SLC30A8: variants seen among roughly 807,000 people sequenced by gnomAD.
SLC30A8 encodes the protein solute carrier family 30 member 8.
SLC30A8 carries 27 observed loss-of-function variants against 36.9 expected under a neutral mutation model. That is an observed-to-expected ratio of 0.73 (90% CI 0.54 to 1.01). The LOEUF (loss-of-function observed/expected upper bound fraction) is 1.01. Among genes scored for constraint, SLC30A8 ranks in the 50% least tolerant of loss-of-function variants. The probability of loss-of-function intolerance (pLI) is 0.00; values close to 1 mark genes in which losing one functional copy is unlikely to be tolerated. For missense variants in SLC30A8, 439 were observed against 452.0 expected (o/e 0.97, Z 0.26); for synonymous variants, 164 against 172.4 (o/e 0.95, Z 0.38).
intron 2 of SLC30A8, among the ~76,000 whole-genome samples, chr8:117,058,965 C>G (rs367667030): frequency 2.0e-5 from 3 of 152,136 alleles, no homozygotes; most frequent in Non-Finnish European, 4.4e-5. Flanking sequence ...ATCCCTCCAC[C>G]ATACCTTTTT....
At chr8:117,161,395 ACAGT>A (rs1344272980) in intron 4 of SLC30A8, among the ~76,000 whole-genome samples, 1 of 119,684 alleles carries the variant, frequency 8.4e-6, no homozygotes, top group Non-Finnish European at 1.6e-5. Flanking sequence ...TTGGTGCCTG[ACAGT>A]CAGTCAACCT....
At position 117,000,460 on chromosome 8, in the gene SLC30A8, C is replaced by G. The variant is rs571184284; in HGVS notation, c.-265-38759C>G. ...ACACTATTTTGCAAGCTCTGAAGAG[C>G]TGTAAAAGTGTATAAATTGTAAACT... On this transcript the variant is annotated intron_variant, in intron 1 of 10. Coordinates refer to the SLC30A8 transcript ENST00000427715. Among the ~76,000 whole-genome samples, 7 of 152,154 alleles carry G rather than the reference C, an allele frequency of 4.6e-5. No individual in the cohort carries two copies. In the East Asian group the frequency reaches 7.7e-4, roughly 17 times the overall value.
intron 1 of SLC30A8, among the ~76,000 whole-genome samples, chr8:117,001,657 A>T (rs1201995765): frequency 6.6e-6 from 1 of 152,196 alleles, no homozygotes; most frequent in African/African-American, 2.4e-5. Flanking sequence ...CTAAGATTGT[A>T]TTTCTGAAAT....
At chr8:117,002,824 C>A (rs548568370) in intron 1 of SLC30A8, among the ~76,000 whole-genome samples, 2 of 152,100 alleles carry the variant, frequency 1.3e-5, no homozygotes, top group African/African-American at 2.4e-5. Flanking sequence ...AGGATGGTCT[C>A]GATCTCTTGA....
At chr8:116,964,957 A>G (rs1814548283) in intron 1 of SLC30A8, among the ~76,000 whole-genome samples, 1 of 152,140 alleles carries the variant, frequency 6.6e-6, no homozygotes, top group Non-Finnish European at 1.5e-5. Flanking sequence ...TGTTTTTGAG[A>G]CGGAATTTCA....
At chr8:117,119,830 C>T (rs1820614248) in intron 2 of SLC30A8, among the ~76,000 whole-genome samples, 1 of 151,850 alleles carries the variant, frequency 6.6e-6, no homozygotes, top group Admixed American at 6.6e-5. Flanking sequence ...TTCTATACAT[C>T]TATACACAGA....
intron 2 of SLC30A8, among the ~76,000 whole-genome samples, chr8:117,096,365 G>A (rs1042325645): frequency 4.6e-5 from 7 of 152,096 alleles, no homozygotes; most frequent in African/African-American, 1.4e-4. Flanking sequence ...CAAATGATTG[G>A]AGTTGCAGTG....
At chr8:116,955,995 C>T (rs1814188637) in intron 1 of SLC30A8, among the ~76,000 whole-genome samples, 1 of 152,136 alleles carries the variant, frequency 6.6e-6, no homozygotes. Context: ...GAGTGCATTA[C>T]CAAAACTCAG....
At chr8:116,969,600 A>G (rs1488306510) in intron 1 of SLC30A8, among the ~76,000 whole-genome samples, 1 of 152,216 alleles carries the variant, frequency 6.6e-6, no homozygotes, top group Non-Finnish European at 1.5e-5. Context: ...GGGTGTACTT[A>G]CACAAACCTA....
chr8:117,162,321 C>T (rs565608997), intron 5 of SLC30A8, among the ~76,000 whole-genome samples: 81 of 152,056 alleles, frequency 5.3e-4, no homozygotes, highest in African/African-American at 4.3e-4. Context: ...TTTCTGTGAA[C>T]GGGAGTCCAG....
intron 1 of SLC30A8, among the ~76,000 whole-genome samples, chr8:117,032,077 C>G (rs189908864): frequency 2.6e-5 from 4 of 152,124 alleles, no homozygotes; most frequent in Non-Finnish European, 4.4e-5. Flanking sequence ...ATTATAGCAC[C>G]TTACGCCTCA....
At chr8:117,123,707 CAG>C (rs368905769) in intron 2 of SLC30A8, among the ~76,000 whole-genome samples, 216 of 152,100 alleles carry the variant, frequency 1.4e-3, no homozygotes, top group African/African-American at 5.0e-3. Flanking sequence ...AGTAAATTGA[CAG>C]AGTTGTACAA....
intron 1 of SLC30A8, among the ~76,000 whole-genome samples, chr8:117,012,804 A>G (rs1816392604): frequency 6.6e-6 from 1 of 151,166 alleles, no homozygotes; most frequent in Admixed American, 6.6e-5. Context: ...GGCAGTCAGC[A>G]TATATTTCTT....
Position 117,091,920 on chromosome 8 carries a change from A to T in SLC30A8, c.-225-43360A>T, listed in dbSNP as rs376342222. ...AGAAAATGCACACAGGGTCCTCACTATGATTCTTAGGGACAGGCAATGGTG... is the reference window on the plus strand; with the variant it reads ...AGAAAATGCACACAGGGTCCTCACTTTGATTCTTAGGGACAGGCAATGGTG... On this transcript the variant is annotated intron_variant, in intron 2 of 10. Coordinates refer to the SLC30A8 transcript ENST00000427715. Among the ~76,000 whole-genome samples the T allele has an allele frequency of 4.4e-4, 67 of 152,316 alleles. No homozygotes were observed. In the South Asian group the frequency reaches 0.014, roughly 31 times the overall value.
At chr8:117,081,978 G>T (rs1490018520) in intron 2 of SLC30A8, among the ~76,000 whole-genome samples, 2 of 152,128 alleles carry the variant, frequency 1.3e-5, no homozygotes, top group African/African-American at 4.8e-5. Context: ...TCAAGTAGTA[G>T]CCCAGCCTCA....
chr8:117,063,371 C>T (rs939967541), intron 2 of SLC30A8, among the ~76,000 whole-genome samples: 8 of 152,112 alleles, frequency 5.3e-5, no homozygotes, highest in African/African-American at 1.9e-4. Context: ...GAAAACACCA[C>T]AGGAATAAAT....
At chr8:117,030,890 CAT>C (rs149569766) in intron 1 of SLC30A8, among the ~76,000 whole-genome samples, 2,117 of 152,296 alleles carry the variant, frequency 0.014, 49 homozygotes, top group African/African-American at 0.047. Flanking sequence ...ATATCACAGA[CAT>C]GTGTGCTTTC....
intron 2 of SLC30A8, among the ~76,000 whole-genome samples, chr8:117,086,586 C>G (rs2130820571): frequency 6.6e-6 from 1 of 152,270 alleles, no homozygotes; most frequent in Middle Eastern, 3.4e-3. Context: ...AGGCTTAGCT[C>G]CAAGCTGTAG....
chr8:116,988,464 C>T (rs1478726717), intron 1 of SLC30A8, among the ~76,000 whole-genome samples: 3 of 152,164 alleles, frequency 2.0e-5, no homozygotes, highest in Non-Finnish European at 4.4e-5. Context: ...TATGGGCTTC[C>T]CCAAGCCCTT....
Sources: allele counts gnomAD v4.1 joint callset (sites outside exome capture counted in the v4.1 genomes callset), GRCh38; gene constraint gnomAD v4.1.1; transcripts MANE v1.5; gene names NCBI Gene and HGNC (gene_info 2026-07-23, HGNC 2026-07-21).